Variants in WARS2 observed in about 807,000 individuals in gnomAD.
WARS2 encodes tryptophanyl tRNA synthetase 2, mitochondrial.
WARS2 carries 28 observed loss-of-function variants against 36.5 expected under a neutral mutation model. That is an observed-to-expected ratio of 0.77 (90% CI 0.57 to 1.05). WARS2 has a LOEUF of 1.05. Ranked by LOEUF, WARS2 falls within the 50% of genes least tolerant of loss-of-function variation. The pLI, the probability that WARS2 is intolerant of heterozygous loss-of-function variation, is 0.00. For synonymous variants in WARS2, 174 were observed against 178.4 expected, an observed-to-expected ratio of 0.98 and a Z score of 0.20; for missense variants, 435 against 456.8, an observed-to-expected ratio of 0.95 and a Z score of 0.44.
chr1:119,035,315 T>A (rs1647783489), intron 4 of WARS2, among the ~76,000 whole-genome samples: 1 of 152,112 alleles, frequency 6.6e-6, no homozygotes, highest in Non-Finnish European at 1.5e-5. Flanking sequence ...GTTTTTTTAA[T>A]CAAAGAAACA....
chr1:119,032,674 C>G lies in WARS2; in HGVS notation c.*237G>C, dbSNP rs3790548. 29,929 of 517,860 alleles carry G rather than the reference C, an allele frequency of 0.058. 1,302 individuals are homozygous for G. Among genetic ancestry groups the G allele is most frequent in the East Asian group, 0.18 (5,305 of 30,002 alleles). The allele number at this position is 517,860 out of a possible 1,614,324, so 32.1% of individuals were successfully genotyped here. A position where few individuals can be genotyped will look rare whatever the true frequency, so the allele number is the denominator to read the frequency against. On this transcript the variant is annotated 3_prime_UTR_variant, in exon 6 of 6. Transcript: ENST00000235521. ...GTGCCTCAATAATTGGGGATTCAGA[C>G]AGCTATGCCTTCTTGATTTATTTTT...
At chr1:119,055,292 T>G (rs1649679853) in intron 2 of WARS2, among the ~76,000 whole-genome samples, 1 of 151,958 alleles carries the variant, frequency 6.6e-6, no homozygotes, top group Non-Finnish European at 1.5e-5. Flanking sequence ...AGTCTAGAAT[T>G]AGAGAGAAAC....
chr1:119,072,057 C>A (rs1651362939), intron 2 of WARS2, among the ~76,000 whole-genome samples: 1 of 152,096 alleles, frequency 6.6e-6, no homozygotes, highest in African/African-American at 2.4e-5. Flanking sequence ...CCTACTAGAA[C>A]TCTGTATATA....
intron 1 of WARS2, among the ~76,000 whole-genome samples, chr1:119,121,823 G>A (rs956636135): frequency 6.6e-6 from 1 of 152,096 alleles, no homozygotes; most frequent in African/African-American, 2.4e-5. Context: ...ATGATGCTGG[G>A]ATAATTGGCA....
rs1310451141 is a variant in WARS2, at chr1:119,032,629, AT to A, written c.*281del. On this transcript the variant is annotated 3_prime_UTR_variant, in exon 6 of 6. Coordinates refer to ENST00000235521, the MANE Select transcript of WARS2 (RefSeq NM_015836.4). ...CCAAATTACTCCTTACTTCAATCACATTTCTGCAGGCCAAGGAGTGTGCCTC... is the reference window on the plus strand; with the variant it reads ...CCAAATTACTCCTTACTTCAATCACATTCTGCAGGCCAAGGAGTGTGCCTC... The A allele has an allele frequency of 4.7e-6, 2 of 427,136 alleles. No homozygotes were observed. Among genetic ancestry groups the A allele is most frequent in the Non-Finnish European group, 8.4e-6 (2 of 239,344 alleles). 26.5% of individuals were successfully genotyped at this position (427,136 alleles called of 1,614,324 possible).
chr1:119,068,326 G>A (rs1234853592), intron 2 of WARS2, among the ~76,000 whole-genome samples: 1 of 152,166 alleles, frequency 6.6e-6, no homozygotes, highest in East Asian at 1.9e-4. Flanking sequence ...CAGTTGGTGA[G>A]GTATAACTTT....
rs1179944488 is a variant in WARS2 at position 119,107,567 on chromosome 1, T to C, written c.91-30960A>G. On this transcript the variant is annotated intron_variant, in intron 1 of 5. Coordinates refer to ENST00000235521, the MANE Select transcript of WARS2 (RefSeq NM_015836.4). ...TATTGCCTTTCTTTGACTGTAAATA[T>C]ATATACAGTCAACTGATATAGTCTC... 2.0e-5 allele frequency among the ~76,000 whole-genome samples: 3 copies of C among 152,124 alleles called. No homozygotes were observed. In the South Asian group the frequency reaches 6.2e-4, roughly 31 times the overall value.
At chr1:119,034,339 T>C (rs1030919108) in intron 4 of WARS2, 126 bp from the exon 5 acceptor site, 4 of 766,794 alleles carry the variant, frequency 5.2e-6, no homozygotes, top group Non-Finnish European at 8.8e-6. Flanking sequence ...TCACCAACTA[T>C]AGAGGGAATG....
intron 3 of WARS2, among the ~76,000 whole-genome samples, chr1:119,043,331 G>A (rs1321554932): frequency 2.0e-5 from 3 of 152,128 alleles, no homozygotes; most frequent in Non-Finnish European, 4.4e-5. Flanking sequence ...AATGAACTGG[G>A]CAACTGAATT....
At chr1:119,056,423 A>C (rs1649816383) in intron 2 of WARS2, among the ~76,000 whole-genome samples, 1 of 150,416 alleles carries the variant, frequency 6.6e-6, no homozygotes, top group Non-Finnish European at 1.5e-5. Flanking sequence ...CTTTTGGTTC[A>C]TATAACAACA....
intron 2 of WARS2, among the ~76,000 whole-genome samples, chr1:119,073,927 A>G (rs1204693516): frequency 6.6e-6 from 1 of 152,236 alleles, no homozygotes; most frequent in Non-Finnish European, 1.5e-5. Context: ...TGTAGTTGTA[A>G]ATAAGCCTTT....
intron 1 of WARS2, among the ~76,000 whole-genome samples, chr1:119,138,411 C>A (rs115425213): frequency 0.011 from 1,676 of 152,212 alleles, 29 homozygotes; most frequent in African/African-American, 0.038. Context: ...GACTAAAGAT[C>A]TGTATAAAGA....
intron 1 of WARS2, among the ~76,000 whole-genome samples, chr1:119,097,835 G>A (rs1041000082): frequency 6.6e-6 from 1 of 152,094 alleles, no homozygotes; most frequent in Admixed American, 6.5e-5. Context: ...CTGAAGTCTC[G>A]TCTTAAATCC....
chr1:119,080,541 C>T (rs889485496), intron 1 of WARS2, among the ~76,000 whole-genome samples: 4 of 152,092 alleles, frequency 2.6e-5, no homozygotes, highest in African/African-American at 9.7e-5. Context: ...GTGTTTTGTT[C>T]AATTTTCAAG....
chr1:119,140,185 G>A (rs1656840480), intron 1 of WARS2: 1 of 175,420 alleles, frequency 5.7e-6, no homozygotes, highest in East Asian at 1.5e-4. Context: ...GGGTAAGGAG[G>A]GTAAAAACAG....
rs75336254 is a variant in WARS2 at position 119,108,820 on chromosome 1, T to C, written c.90+31735A>G. On this transcript the variant is annotated intron_variant, in intron 1 of 5. Coordinates refer to ENST00000235521, the MANE Select transcript of WARS2 (RefSeq NM_015836.4). Reference sequence around the variant, plus strand: ...AGGTGAAAGTTCTGATAACTGATTTTAGATCTTTTTCTTTTCAAATATATT... The same window carrying C: ...AGGTGAAAGTTCTGATAACTGATTTCAGATCTTTTTCTTTTCAAATATATT... Among the ~76,000 whole-genome samples the C allele has an allele frequency of 8.5e-3, 1,287 of 152,098 alleles. 16 individuals are homozygous for C. The highest frequency in any genetic ancestry group is 0.03 in the African/African-American group (1,227 of 41,572).
intron 1 of WARS2, chr1:119,126,853 C>T (rs1655694697): frequency 1.0e-5 from 8 of 785,978 alleles, no homozygotes; most frequent in South Asian, 9.4e-5. Flanking sequence ...ATTTGGAGGA[C>T]CTGTTGGTGC....
intron 1 of WARS2, among the ~76,000 whole-genome samples, chr1:119,087,163 A>G (rs1243201955): frequency 6.6e-6 from 1 of 152,170 alleles, no homozygotes; most frequent in Non-Finnish European, 1.5e-5. Context: ...AACTTGGTAA[A>G]TATTTTTTTA....
At chr1:119,034,603 A>G (rs1647714526) in intron 4 of WARS2, among the ~76,000 whole-genome samples, 1 of 152,160 alleles carries the variant, frequency 6.6e-6, no homozygotes, top group African/African-American at 2.4e-5. Flanking sequence ...CCTCAGAACT[A>G]CAGCTCATAC....
Sources: allele counts gnomAD v4.1 joint callset (sites outside exome capture counted in the v4.1 genomes callset), GRCh38; gene constraint gnomAD v4.1.1; transcripts MANE v1.5; gene names NCBI Gene and HGNC (gene_info 2026-07-23, HGNC 2026-07-21).